Variants in GPC6 observed in about 807,000 individuals in gnomAD.
The protein encoded by GPC6 is glypican 6, also known as glypican-6.
GPC6 carries 14 observed loss-of-function variants against 55.2 expected under a neutral mutation model. That is an observed-to-expected ratio of 0.25 (90% CI 0.17 to 0.40). GPC6 has a LOEUF of 0.40. Ranked by LOEUF, GPC6 falls within the 10% of genes least tolerant of loss-of-function variation. The probability of loss-of-function intolerance (pLI) is 1.00; values close to 1 mark genes in which losing one functional copy is unlikely to be tolerated. For synonymous variants in GPC6, 278 were observed against 259.6 expected, an observed-to-expected ratio of 1.07 and a Z score of -0.68; for missense variants, 641 against 708.5, an observed-to-expected ratio of 0.90 and a Z score of 1.08.
At chr13:93,654,821 A>T (rs1880580972) in intron 2 of GPC6, among the ~76,000 whole-genome samples, 1 of 151,022 alleles carries the variant, frequency 6.6e-6, no homozygotes, top group African/African-American at 2.4e-5. Context: ...GAATCCAAAG[A>T]CATCAACATA....
chr13:94,014,137 A>G lies in GPC6; in HGVS notation c.712-13592A>G, dbSNP rs7991414. ...TCTCTCAATGGTACAAGATGGAGAA[A>G]AGATAGTTTCAGAGTGTAGACATTT... is the stretch of plus-strand genomic sequence containing the variant. On this transcript the variant is annotated intron_variant, in intron 3 of 8. Coordinates refer to ENST00000377047, the MANE Select transcript of GPC6 (RefSeq NM_005708.5). Among the ~76,000 whole-genome samples, 698 of 152,268 alleles carry G rather than the reference A, an allele frequency of 4.6e-3. 7 individuals are homozygous for G. The highest frequency in any genetic ancestry group is 0.016 in the African/African-American group (677 of 41,558).
At chr13:94,025,783 G>A (rs999476676) in intron 3 of GPC6, among the ~76,000 whole-genome samples, 1 of 152,050 alleles carries the variant, frequency 6.6e-6, no homozygotes, top group African/African-American at 2.4e-5. Flanking sequence ...TATAAAGAAA[G>A]GCCAATTATA....
chr13:94,211,042 G>A (rs1890059675), intron 4 of GPC6, among the ~76,000 whole-genome samples: 1 of 152,146 alleles, frequency 6.6e-6, no homozygotes, highest in Non-Finnish European at 1.5e-5. Context: ...ACAAGACTAG[G>A]CCAGTGGAGA....
chr13:93,754,002 G>A (rs888859408), intron 2 of GPC6, among the ~76,000 whole-genome samples: 1 of 152,160 alleles, frequency 6.6e-6, no homozygotes, highest in Non-Finnish European at 1.5e-5. Flanking sequence ...CTGCACATGT[G>A]GAGACTGAGT....
chr13:93,623,781 A>G (rs1454808754), intron 2 of GPC6, among the ~76,000 whole-genome samples: 4 of 151,996 alleles, frequency 2.6e-5, no homozygotes, highest in African/African-American at 9.7e-5. Flanking sequence ...TGATAAAGCC[A>G]TTTTAACTCA....
chr13:94,105,886 A>T (rs1054991756), intron 4 of GPC6, among the ~76,000 whole-genome samples: 1 of 152,152 alleles, frequency 6.6e-6, no homozygotes, highest in Admixed American at 6.6e-5. Flanking sequence ...GGGGCCAGGG[A>T]TGCTGCTAAG....
chr13:94,221,073 A>G (rs1341652353), intron 4 of GPC6, among the ~76,000 whole-genome samples: 1 of 152,142 alleles, frequency 6.6e-6, no homozygotes, highest in African/African-American at 2.4e-5. Context: ...TGCAACAACA[A>G]GGTGGCTTTA....
intron 6 of GPC6, among the ~76,000 whole-genome samples, chr13:94,339,890 A>G (rs1053648268): frequency 3.4e-5 from 5 of 147,854 alleles, no homozygotes; most frequent in Non-Finnish European, 4.4e-5. Flanking sequence ...CAGCCTCCCC[A>G]GTAGCTGGGA....
chr13:93,791,313 G>A (rs910844942), intron 2 of GPC6, among the ~76,000 whole-genome samples: 50 of 152,148 alleles, frequency 3.3e-4, no homozygotes, highest in Non-Finnish European at 1.0e-4. Flanking sequence ...AAACTGCAGT[G>A]CAAGAAATAA....
At chr13:93,523,025 A>T (rs1473443350) in intron 1 of GPC6, among the ~76,000 whole-genome samples, 2 of 149,034 alleles carry the variant, frequency 1.3e-5, no homozygotes, top group African/African-American at 2.5e-5. Flanking sequence ...ATATATATAT[A>T]TATATACAAA....
At chr13:94,371,226 T>C (rs1384184975) in intron 6 of GPC6, among the ~76,000 whole-genome samples, 1 of 152,206 alleles carries the variant, frequency 6.6e-6, no homozygotes, top group African/African-American at 2.4e-5. Flanking sequence ...TATCAATCTC[T>C]AGATTAAATA....
At chr13:94,217,687 G>A (rs912054635) in intron 4 of GPC6, among the ~76,000 whole-genome samples, 1 of 152,204 alleles carries the variant, frequency 6.6e-6, no homozygotes, top group Non-Finnish European at 1.5e-5. Context: ...AACAAAGCAT[G>A]TCTACTGTAT....
chr13:93,507,061 CAAAAAAAAA>C lies in GPC6; in HGVS notation c.161-38181_161-38173del, dbSNP rs56368708. Among the ~76,000 whole-genome samples, 87 of 52,146 alleles carry C rather than the reference CAAAAAAAAA, an allele frequency of 1.7e-3. 1 individual carries two copies. Among genetic ancestry groups the C allele is most frequent in the African/African-American group, 6.8e-3 (83 of 12,262 alleles). 34.2% of individuals were successfully genotyped at this position (52,146 alleles called of 152,430 possible). On this transcript the variant is annotated intron_variant, in intron 1 of 8. Transcript: ENST00000377047. Reference sequence around the variant, plus strand: ...TGGGCGACAGAGCGAGACTCCGTCTCAAAAAAAAAAAAAAAAAAAAAAAAAAAAAGCCCG... The same window carrying C: ...TGGGCGACAGAGCGAGACTCCGTCTCAAAAAAAAAAAAAAAAAAAAGCCCG...
chr13:93,770,325 T>C (rs1265164672), intron 2 of GPC6, among the ~76,000 whole-genome samples: 2 of 152,216 alleles, frequency 1.3e-5, no homozygotes, highest in African/African-American at 4.8e-5. Context: ...TGCCTGATAC[T>C]AAGTGTTCAA....
chr13:94,136,580 G>A (rs1887192853), intron 4 of GPC6, among the ~76,000 whole-genome samples: 1 of 152,094 alleles, frequency 6.6e-6, no homozygotes, highest in South Asian at 2.1e-4. Context: ...TATGGTGGTG[G>A]GTGCCTGTAG....
intron 7 of GPC6, among the ~76,000 whole-genome samples, chr13:94,397,391 T>C (rs1174551598): frequency 1.3e-5 from 2 of 152,144 alleles, no homozygotes; most frequent in Non-Finnish European, 2.9e-5. Flanking sequence ...GCAGCTCACA[T>C]TGAAGGACTG....
chr13:94,163,480 A>ATCTTTAAAACATTTTT (rs1888241075), intron 4 of GPC6, among the ~76,000 whole-genome samples: 3 of 152,206 alleles, frequency 2.0e-5, no homozygotes, highest in Non-Finnish European at 4.4e-5. Flanking sequence ...CCATCATCAC[A>ATCTTTAAAACATTTTT]TCTTTAAAAC....
chr13:94,093,541 C>A (rs1885563177), intron 4 of GPC6, among the ~76,000 whole-genome samples: 2 of 151,962 alleles, frequency 1.3e-5, no homozygotes, highest in South Asian at 4.1e-4. Context: ...TAGTGTAATG[C>A]CTCCAGCTTT....
chr13:93,708,707 C>A (rs1882941273), intron 2 of GPC6, among the ~76,000 whole-genome samples: 1 of 151,646 alleles, frequency 6.6e-6, no homozygotes, highest in Non-Finnish European at 1.5e-5. Flanking sequence ...TTAACAATGA[C>A]AGATATTTAA....
Sources: gnomAD v4.1 joint callset for allele counts (sites outside exome capture counted in the v4.1 genomes callset) on GRCh38, gnomAD v4.1.1 for gene constraint, MANE v1.5 for transcripts, NCBI Gene and HGNC (gene_info 2026-07-23, HGNC 2026-07-21) for gene names.